The following ZNF227 variants were observed in gnomAD, a reference collection of about 807,000 sequenced individuals.
The protein encoded by ZNF227 is zinc finger protein 227.
In ZNF227, 12 loss-of-function variants were observed where a neutral mutation model predicts 13.2. The ratio of observed to expected loss-of-function variants is 0.91; its 90% CI spans 0.58 to 1.47. The LOEUF is 1.47. Among genes scored for constraint, ZNF227 ranks in the 40% most tolerant of loss-of-function variants. The probability of loss-of-function intolerance (pLI) is 0.00; values close to 1 mark genes in which losing one functional copy is unlikely to be tolerated. For missense variants in ZNF227, 885 were observed against 967.5 expected (o/e 0.91, Z 1.13); for synonymous variants, 338 against 326.0 (o/e 1.04, Z -0.40).
Position 44,226,490 on chromosome 19 carries a change from C to T in ZNF227, c.61-1956C>T, listed in dbSNP as rs569621605. On this transcript the variant is annotated intron_variant, in intron 3 of 5. Coordinates refer to ENST00000313040, the MANE Select transcript of ZNF227 (RefSeq NM_182490.3). Reference sequence around the variant, plus strand: ...AGCCTGGGCAATGGCAGGCGCCCTCCCCCAGCCTCGCTGCCTCCTTGCAGT... The same window carrying T: ...AGCCTGGGCAATGGCAGGCGCCCTCTCCCAGCCTCGCTGCCTCCTTGCAGT... Among the ~76,000 whole-genome samples, 1,351 of 152,344 alleles carry T rather than the reference C, an allele frequency of 8.9e-3. 10 individuals are homozygous for T. Among genetic ancestry groups the T allele is most frequent in the African/African-American group, 0.031 (1,271 of 41,582 alleles).
chr19:44,221,588 C>T (rs575906032), intron 3 of ZNF227, among the ~76,000 whole-genome samples: 76 of 152,252 alleles, frequency 5.0e-4, no homozygotes, highest in East Asian at 2.3e-3. Context: ...TCATGTCCTT[C>T]GCCCACTTTT....
intron 3 of ZNF227, 93 bp from the exon 4 acceptor site, chr19:44,228,353 A>G (rs768265059): frequency 1.5e-4 from 223 of 1,461,976 alleles, no homozygotes; most frequent in Middle Eastern, 2.4e-4. Flanking sequence ...ATCTATAACA[A>G]CTTTTTTGTG....
intron 5 of ZNF227, among the ~76,000 whole-genome samples, chr19:44,230,272 C>T (rs1973644331): frequency 6.6e-6 from 1 of 152,184 alleles, no homozygotes; most frequent in South Asian, 2.1e-4. Context: ...ACCTCGGCCT[C>T]CCAAAGTGCT....
At chr19:44,226,008 T>C (rs1216500891) in intron 3 of ZNF227, among the ~76,000 whole-genome samples, 4 of 152,220 alleles carry the variant, frequency 2.6e-5, no homozygotes, top group Admixed American at 6.5e-5. Context: ...TGCAGGTCTG[T>C]TGGAGTTTGC....
upstream of ZNF227, among the ~76,000 whole-genome samples, chr19:44,208,657 C>T (rs747862636): frequency 4.6e-5 from 7 of 152,162 alleles, no homozygotes; most frequent in African/African-American, 1.2e-4. Flanking sequence ...TAGTAAGAGG[C>T]AGAACGTCCA....
At chr19:44,211,351 A>G (rs1971359016), upstream of ZNF227, among the ~76,000 whole-genome samples, 1 of 152,264 alleles carries the variant, frequency 6.6e-6, no homozygotes, top group African/African-American at 2.4e-5. Context: ...TGTATATAAC[A>G]GAATAAAGAA....
intron 5 of ZNF227, among the ~76,000 whole-genome samples, chr19:44,234,307 C>G (rs1265820517): frequency 6.6e-6 from 1 of 152,178 alleles, no homozygotes; most frequent in Admixed American, 6.5e-5. Flanking sequence ...TTTTCTTAAC[C>G]TAACTAGTTA....
chr19:44,228,568 A>C lies in ZNF227; in HGVS notation c.183A>C (p.Ala61=). ...VMVENFKNLV[A]VGHLPFQPDM... The stretch of plus-strand genomic sequence containing the variant: ...TGGAGAACTTCAAGAACCTGGTTGC[A>C]GTGGGTGAGGACAGGCACTCTCTGA... Residue 61 remains alanine (A), a synonymous_variant, in exon 4 of 6, where the codon GCA becomes GCC. Transcript: ENST00000313040. The C allele has an allele frequency of 6.2e-7, 1 of 1,611,782 alleles. No individual in the cohort carries two copies. The highest frequency in any genetic ancestry group is 1.3e-5 in the African/African-American group (1 of 74,588).
intron 5 of ZNF227, among the ~76,000 whole-genome samples, chr19:44,233,041 G>C (rs193244819): frequency 5.0e-4 from 76 of 152,112 alleles, no homozygotes; most frequent in African/African-American, 1.7e-3. Flanking sequence ...ACATCTCTTG[G>C]GGGTGGGGTG....
At position 44,228,900 on chromosome 19, in the gene ZNF227, A is replaced by G. The variant is rs886457584; in HGVS notation, c.187+328A>G. 8.1e-6 allele frequency: 3 copies of G among 371,246 alleles called. No homozygotes were observed. In the East Asian group the frequency reaches 1.2e-4, roughly 15 times the overall value. The allele number at this position is 371,246 out of a possible 1,614,324, so 23.0% of individuals were successfully genotyped here. A position where few individuals can be genotyped will look rare whatever the true frequency, so the allele number is the denominator to read the frequency against. On this transcript the variant is annotated intron_variant, in intron 4 of 5. Coordinates refer to ENST00000313040, the MANE Select transcript of ZNF227 (RefSeq NM_182490.3). ...AATTCTGCAAAATCTCCTACAGTGC[A>G]CAGGACAGTGCCCCCAACAGAGAAT...
intron 2 of ZNF227, among the ~76,000 whole-genome samples, chr19:44,215,169 GTT>G (rs35264039): frequency 1.4e-5 from 2 of 137,934 alleles, no homozygotes; most frequent in Non-Finnish European, 3.1e-5. Flanking sequence ...CATCAGGTCA[GTT>G]TTTTTTTTTT....
chr19:44,215,519 CCTTT>C (rs949804608), intron 2 of ZNF227, among the ~76,000 whole-genome samples: 2 of 149,776 alleles, frequency 1.3e-5, no homozygotes, highest in African/African-American at 2.4e-5. Context: ...ATTTTGTTCT[CCTTT>C]CTTGTCTTTT....
At chr19:44,211,979 T>A (rs1400299955), upstream of ZNF227, among the ~76,000 whole-genome samples, 2 of 146,706 alleles carry the variant, frequency 1.4e-5, no homozygotes, top group African/African-American at 5.0e-5. Flanking sequence ...CACTGCACCC[T>A]CCAGGGTTCA....
chr19:44,230,475 C>T (rs1973662008), intron 5 of ZNF227, among the ~76,000 whole-genome samples: 1 of 152,104 alleles, frequency 6.6e-6, no homozygotes, highest in African/African-American at 2.4e-5. Flanking sequence ...TTTCCCTTTG[C>T]TTAGATCATT....
rs776959608 is a variant in ZNF227, at chr19:44,234,876, A to G, written c.446A>G (p.Asn149Ser). Residue 149 changes from asparagine (N) to serine (S), a missense_variant, in exon 6 of 6, where the codon AAT (asparagine) becomes AGT (serine). Transcript: ENST00000313040. ...GGTGACTCTATTCAGGTTTCTGAAAATGAGAACAATATAATGAACCCTAAA... is the reference window on the plus strand; with the variant it reads ...GGTGACTCTATTCAGGTTTCTGAAAGTGAGAACAATATAATGAACCCTAAA... ...LQGDSIQVSE[N>S]ENNIMNPKGD... is the part of the protein sequence containing the mutation. 6.2e-7 allele frequency: 1 copy of G among 1,613,620 alleles called. No homozygotes were observed. Among genetic ancestry groups the G allele is most frequent in the East Asian group, 2.2e-5 (1 of 44,876 alleles).
intron 3 of ZNF227, among the ~76,000 whole-genome samples, chr19:44,225,322 T>C (rs1973002183): frequency 1.3e-5 from 2 of 152,232 alleles, no homozygotes; most frequent in Non-Finnish European, 2.9e-5. Flanking sequence ...CCTGCCTTGC[T>C]AGATTGGGGA....
At chr19:44,230,932 T>C (rs1341764539) in intron 5 of ZNF227, among the ~76,000 whole-genome samples, 1 of 112,982 alleles carries the variant, frequency 8.9e-6, no homozygotes, top group Non-Finnish European at 1.6e-5. Context: ...AAAAAATATA[T>C]ATATATATAT....
chr19:44,230,987 C>T (rs954701542), intron 5 of ZNF227, among the ~76,000 whole-genome samples: 7 of 144,648 alleles, frequency 4.8e-5, no homozygotes, highest in African/African-American at 1.9e-4. Flanking sequence ...CATCTGTAGT[C>T]CCAGCTACTT....
At chr19:44,227,302 G>C (rs747115089) in intron 3 of ZNF227, 7 of 152,196 alleles carry the variant, frequency 4.6e-5, no homozygotes, top group African/African-American at 1.4e-4. Context: ...CTGGAGTGCA[G>C]TGGCGCCATC....
Sources: allele counts gnomAD v4.1 joint callset (sites outside exome capture counted in the v4.1 genomes callset), GRCh38; gene constraint gnomAD v4.1.1; transcripts MANE v1.5; gene names NCBI Gene and HGNC (gene_info 2026-07-23, HGNC 2026-07-21).